Variants in PLEKHG1 observed in about 807,000 individuals in gnomAD.
PLEKHG1 encodes the protein pleckstrin homology domain-containing family G member 1.
In PLEKHG1, 44 loss-of-function variants were observed where a neutral mutation model predicts 100.8. The observed-to-expected ratio is 0.44, with a 90% CI of 0.34 to 0.56. PLEKHG1 has a LOEUF of 0.56. Ranked by LOEUF, PLEKHG1 falls within the 20% of genes least tolerant of loss-of-function variation. The pLI, the probability that PLEKHG1 is intolerant of heterozygous loss-of-function variation, is 0.01. For missense variants in PLEKHG1, 1,545 were observed against 1,720.9 expected, an observed-to-expected ratio of 0.90 and a Z score of 1.81; for synonymous variants, 640 against 662.5, an observed-to-expected ratio of 0.97 and a Z score of 0.52.
At chr6:150,706,998 C>CTTTTTTT (rs71014517) in intron 3 of PLEKHG1, among the ~76,000 whole-genome samples, 7 of 51,926 alleles carry the variant, frequency 1.3e-4, no homozygotes, top group South Asian at 1.2e-3. Context: ...TTTTCTTTTT[C>CTTTTTTT]TTTTTTTTTT....
chr6:150,699,898 C>T (rs562276471), intron 3 of PLEKHG1, among the ~76,000 whole-genome samples: 72 of 142,554 alleles, frequency 5.1e-4, no homozygotes, highest in African/African-American at 2.0e-3. Context: ...TAAAGACTGG[C>T]AATTATCCAT....
intron 3 of PLEKHG1, among the ~76,000 whole-genome samples, chr6:150,651,648 G>C: frequency 6.6e-6 from 1 of 151,874 alleles, no homozygotes; most frequent in Non-Finnish European, 1.5e-5. Context: ...CACTTGCGAT[G>C]AGGAGTTCGA....
At chr6:150,764,559 C>T (rs908363943) in intron 2 of PLEKHG1, among the ~76,000 whole-genome samples, 2 of 152,246 alleles carry the variant, frequency 1.3e-5, no homozygotes, top group Admixed American at 6.5e-5. Context: ...GCCCCACCCT[C>T]AAGGGTCTGT....
chr6:150,754,669 C>CTT (rs1203495060), intron 2 of PLEKHG1, among the ~76,000 whole-genome samples: 5,197 of 134,868 alleles, frequency 0.039, 147 homozygotes, highest in African/African-American at 0.085. Context: ...GACTTTCTTT[C>CTT]TTTTTTTTTT....
intron 3 of PLEKHG1, among the ~76,000 whole-genome samples, chr6:150,774,531 A>ATT (rs61521577): frequency 0.023 from 2,010 of 86,928 alleles, 172 homozygotes; most frequent in African/African-American, 0.044. Flanking sequence ...ATTAGTTTGA[A>ATT]TTTTTTTTTT....
chr6:150,722,955 A>G (rs1441391691), intron 1 of PLEKHG1, among the ~76,000 whole-genome samples: 2 of 152,232 alleles, frequency 1.3e-5, no homozygotes, highest in African/African-American at 4.8e-5. Flanking sequence ...TATTTAATCT[A>G]AATTACAAAT....
At chr6:150,701,461 AT>A (rs1562446562) in intron 3 of PLEKHG1, among the ~76,000 whole-genome samples, 19 of 85,542 alleles carry the variant, frequency 2.2e-4, no homozygotes, top group African/African-American at 1.0e-3. Flanking sequence ...ATATATATAT[AT>A]ATATAATTAT....
At chr6:150,614,968 A>G (rs557947816) in intron 1 of PLEKHG1, among the ~76,000 whole-genome samples, 1 of 152,312 alleles carries the variant, frequency 6.6e-6, no homozygotes, top group South Asian at 2.1e-4. Flanking sequence ...CCTCTCTGAA[A>G]TTAGAGCTGT....
intron 9 of PLEKHG1, 51 bp from the exon 11 acceptor site, chr6:150,809,597 C>T (rs768737475): frequency 4.5e-6 from 7 of 1,542,348 alleles, no homozygotes; most frequent in Non-Finnish European, 6.3e-6. Context: ...TCAGAGGGTC[C>T]TGTGGGTGGT....
chr6:150,627,979 C>T (rs1478983262), intron 1 of PLEKHG1, among the ~76,000 whole-genome samples: 2 of 152,188 alleles, frequency 1.3e-5, no homozygotes, highest in Non-Finnish European at 2.9e-5. Context: ...GTTTTAAGAA[C>T]TGATATGGGC....
chr6:150,786,772 A>G (rs1280466451), intron 4 of PLEKHG1, among the ~76,000 whole-genome samples: 3 of 152,068 alleles, frequency 2.0e-5, no homozygotes, highest in African/African-American at 4.8e-5. Flanking sequence ...GCTCACACCT[A>G]TAATCCCAGC....
intron 3 of PLEKHG1, among the ~76,000 whole-genome samples, chr6:150,706,789 GAATA>G (rs1781025489): frequency 6.6e-6 from 1 of 151,646 alleles, no homozygotes; most frequent in Non-Finnish European, 1.5e-5. Context: ...AAGATACTTT[GAATA>G]TAAAGAGACC....
exon 15 of PLEKHG1, chr6:150,830,856 C>A (rs1416702349): frequency 6.2e-7 from 1 of 1,614,204 alleles, no homozygotes; most frequent in South Asian, 1.1e-5. Flanking sequence ...GATAGCACTT[C>A]TAGTCGCCCT....
intron 7 of PLEKHG1, among the ~76,000 whole-genome samples, 189 bp from the exon 9 acceptor site, chr6:150,808,916 G>A (rs951351151): frequency 5.3e-5 from 8 of 152,178 alleles, no homozygotes; most frequent in African/African-American, 1.9e-4. Context: ...CTGATTCATT[G>A]CTGTTAACCC....
chr6:150,819,391 C>G (rs573818795), intron 11 of PLEKHG1, among the ~76,000 whole-genome samples: 1 of 151,608 alleles, frequency 6.6e-6, no homozygotes, highest in Non-Finnish European at 1.5e-5. Context: ...ATGTTGAAAC[C>G]CCATCTCTAC....
At chr6:150,655,349 A>C (rs753789321) in intron 3 of PLEKHG1, among the ~76,000 whole-genome samples, 2 of 152,178 alleles carry the variant, frequency 1.3e-5, no homozygotes. Context: ...TTATTGCGGC[A>C]CTGCTCACAA....
At chr6:150,833,491 A>G (rs1002334822) in intron 15 of PLEKHG1, among the ~76,000 whole-genome samples, 22 of 152,204 alleles carry the variant, frequency 1.4e-4, no homozygotes, top group African/African-American at 5.3e-4. Flanking sequence ...TAGGTGTGAT[A>G]TTGTAGGATC....
At chr6:150,761,163 T>C (rs1189882558) in intron 2 of PLEKHG1, among the ~76,000 whole-genome samples, 1 of 144,704 alleles carries the variant, frequency 6.9e-6, no homozygotes, top group Non-Finnish European at 1.5e-5. Flanking sequence ...TGGAGTGCAG[T>C]GGCACAATCA....
At chr6:150,779,230 T>C (rs1304497087) in intron 3 of PLEKHG1, among the ~76,000 whole-genome samples, 1 of 152,022 alleles carries the variant, frequency 6.6e-6, no homozygotes, top group African/African-American at 2.4e-5. Context: ...GGAGCCTGGC[T>C]GGGTCCCCGA....
Sources: gnomAD v4.1 joint callset for allele counts (sites outside exome capture counted in the v4.1 genomes callset) on GRCh38, gnomAD v4.1.1 for gene constraint, MANE v1.5 for transcripts, NCBI Gene and HGNC (gene_info 2026-07-23, HGNC 2026-07-21) for gene names.